The following ACTN1 variants were observed in gnomAD, a reference collection of about 807,000 sequenced individuals.
ACTN1 encodes the protein alpha-actinin-1.
In ACTN1, 30 loss-of-function variants were observed where a neutral mutation model predicts 119.6. That is an observed-to-expected ratio of 0.25 (90% confidence interval 0.19 to 0.34). The LOEUF is 0.34. Ranked by LOEUF, ACTN1 falls within the 10% of genes least tolerant of loss-of-function variation. The probability of loss-of-function intolerance (pLI) is 1.00; values close to 1 mark genes in which losing one functional copy is unlikely to be tolerated. For missense variants in ACTN1, 764 were observed against 1,223.4 expected (o/e 0.62, Z 5.60); for synonymous variants, 429 against 472.6 (o/e 0.91, Z 1.20).
At chr14:68,930,079 GAT>G (rs769129995) in intron 1 of ACTN1, among the ~76,000 whole-genome samples, 3 of 152,190 alleles carry the variant, frequency 2.0e-5, no homozygotes, top group Non-Finnish European at 2.9e-5. Context: ...ATTATCATGT[GAT>G]ATACTTCCTT....
chr14:68,979,136 GGA>G lies in ACTN1; in HGVS notation c.-82_-81del. The stretch of plus-strand genomic sequence containing the variant: ...ACGGCTGCTGCCCTGGCGTGGGGAG[GGA>G]GTAGGGCTGGGCTGGGCTGGGCTGG... On this transcript the variant is annotated 5_prime_UTR_variant, in exon 1 of 22. Transcript: ENST00000394419. 2 of 870,352 alleles carry G rather than the reference GGA, an allele frequency of 2.3e-6. No individual in the cohort carries two copies. Among genetic ancestry groups the G allele is most frequent in the Non-Finnish European group, 3.5e-6 (2 of 574,866 alleles). 53.9% of individuals were successfully genotyped at this position (870,352 alleles called of 1,614,324 possible).
intron 1 of ACTN1, among the ~76,000 whole-genome samples, chr14:68,937,212 G>A (rs2035570693): frequency 6.6e-6 from 1 of 150,894 alleles, no homozygotes; most frequent in Admixed American, 6.6e-5. Context: ...AAGTTTTTTA[G>A]ATCAATAAAG....
Position 68,885,490 on chromosome 14 carries a change from G to C in ACTN1, c.1320C>G (p.Phe440Leu). Residue 440 changes from phenylalanine (F) to leucine (L), a missense_variant, in exon 12 of 22, where the codon TTC becomes TTG. Phe to Leu is a conservative substitution (Grantham distance 22). This residue lies in a region of ACTN1 where 544 missense variants were observed against 912.0 expected (regional missense o/e 0.60). Transcript: ENST00000394419. This position sits in a 1 kb window ranked among gnomAD's most constrained non-coding sequence, Gnocchi z 5.6. ...CCTGGTGGGCAGCCAGGTCACTCTC[G>C]AAGGCCTCATGCTTCTTGAGCAGGG... ...IKALLKKHEA[F>L]ESDLAAHQDR... is the part of the protein sequence containing the mutation. 1 of 1,614,098 alleles carries C rather than the reference G, an allele frequency of 6.2e-7. No individual in the cohort carries two copies. Among genetic ancestry groups the C allele is most frequent in the Non-Finnish European group, 8.5e-7 (1 of 1,180,014 alleles).
At chr14:68,903,006 T>C (rs1325824929) in intron 7 of ACTN1, among the ~76,000 whole-genome samples, 1 of 152,248 alleles carries the variant, frequency 6.6e-6, no homozygotes, top group African/African-American at 2.4e-5. Context: ...CATGGAATTA[T>C]CAATTTGCTA....
chr14:68,892,715 G>GA (rs996201060), intron 9 of ACTN1, among the ~76,000 whole-genome samples: 42 of 152,296 alleles, frequency 2.8e-4, no homozygotes, highest in African/African-American at 9.6e-4. Flanking sequence ...TAAGAATCTA[G>GA]AATGTGGGTC....
At position 68,885,486 on chromosome 14, in the gene ACTN1, T is replaced by C; in HGVS notation, c.1324A>G (p.Ser442Gly). The C allele has an allele frequency of 6.2e-7, 1 of 1,614,106 alleles. No individual in the cohort carries two copies. The highest frequency in any genetic ancestry group is 1.3e-5 in the African/African-American group (1 of 75,038). Residue 442 changes from serine (S) to glycine (G), a missense_variant, in exon 12 of 22, where the codon AGT (serine) becomes GGT (glycine). Around this residue, in one of 4 missense-constraint regions of ACTN1, gnomAD observed 544 missense variants for 912.0 expected, o/e 0.60. Coordinates refer to ENST00000394419, the MANE Select transcript of ACTN1 (RefSeq NM_001130004.2). The surrounding 1 kb of genome is among the most constrained non-coding windows in gnomAD (Gnocchi z 5.6). ...ALLKKHEAFE[S>G]DLAAHQDRVE... ...CGGTCCTGGTGGGCAGCCAGGTCAC[T>C]CTCGAAGGCCTCATGCTTCTTGAGC...
chr14:68,957,627 G>A (rs539329152), intron 1 of ACTN1, among the ~76,000 whole-genome samples: 1 of 152,318 alleles, frequency 6.6e-6, no homozygotes, highest in East Asian at 1.9e-4. Context: ...AATTCAGTCT[G>A]ACATGTAACT....
intron 1 of ACTN1, among the ~76,000 whole-genome samples, chr14:68,960,277 G>T (rs2036485703): frequency 6.6e-6 from 1 of 152,162 alleles, no homozygotes; most frequent in Non-Finnish European, 1.5e-5. Context: ...GTTCAAACCT[G>T]TGATGTTCAA....
At chr14:68,955,368 T>C (rs2036320087) in intron 1 of ACTN1, among the ~76,000 whole-genome samples, 1 of 152,160 alleles carries the variant, frequency 6.6e-6, no homozygotes, top group African/African-American at 2.4e-5. Context: ...TCCAGTCTCA[T>C]GACAATGACT....
At chr14:68,966,179 T>C (rs900647836) in intron 1 of ACTN1, among the ~76,000 whole-genome samples, 4 of 152,202 alleles carry the variant, frequency 2.6e-5, no homozygotes, top group African/African-American at 9.7e-5. Context: ...ATCATGCCAC[T>C]GCACTCCAGC....
In ACTN1 at chr14:68,884,872, T is replaced by A; in HGVS notation, c.1397A>T (p.Tyr466Phe). 6.2e-7 allele frequency: 1 copy of A among 1,613,634 alleles called. No individual in the cohort carries two copies. Among genetic ancestry groups the A allele is most frequent in the Non-Finnish European group, 8.5e-7 (1 of 1,179,530 alleles). Residue 466 changes from tyrosine (Y) to phenylalanine (F), a missense_variant, in exon 13 of 22, where the codon TAT becomes TTT. This residue lies in a region of ACTN1 where 544 missense variants were observed against 912.0 expected (regional missense o/e 0.60). Transcript: ENST00000394419. Reference sequence around the variant, plus strand: ...GGCGTTGACACTGGGTGAGTCATAATAGTCCAGCTCACTGGGGAGGGAAGA... The same window carrying A: ...GGCGTTGACACTGGGTGAGTCATAAAAGTCCAGCTCACTGGGGAGGGAAGA... ...AIAQELNELD[Y>F]YDSPSVNARC...
At chr14:68,902,348 T>C in intron 8 of ACTN1, 129 bp downstream of exon 8, 2 of 768,736 alleles carry the variant, frequency 2.6e-6, no homozygotes, top group Non-Finnish European at 2.2e-6. Flanking sequence ...AACTAGGGAC[T>C]GCCTCTGTCC....
Position 68,896,859 on chromosome 14 carries a change from T to A in ACTN1, c.763-3112A>T, listed in dbSNP as rs11626631. The stretch of plus-strand genomic sequence containing the variant: ...GAGATAATGTAACAGATGTAACAGA[T>A]AATTGATGGCTTCAGAAAATATTCT... On this transcript the variant is annotated intron_variant, in intron 8 of 21. Coordinates refer to ENST00000394419, the MANE Select transcript of ACTN1 (RefSeq NM_001130004.2). Among the ~76,000 whole-genome samples the A allele has an allele frequency of 2.6e-5, 4 of 152,284 alleles. No homozygotes were observed. The East Asian group carries it at 7.7e-4, about 29-fold the overall frequency.
At chr14:68,975,776 G>T (rs1245461303) in intron 1 of ACTN1, among the ~76,000 whole-genome samples, 1 of 152,164 alleles carries the variant, frequency 6.6e-6, no homozygotes, top group East Asian at 1.9e-4. Flanking sequence ...GTGTCTGGAG[G>T]CATGGCGACC....
intron 1 of ACTN1, among the ~76,000 whole-genome samples, chr14:68,970,815 A>C (rs60690519): frequency 1.7e-3 from 256 of 152,352 alleles, no homozygotes; most frequent in African/African-American, 6.0e-3. Context: ...GCCTATGTCC[A>C]TCCCCTTAAA....
chr14:68,954,568 C>T (rs1352847854), intron 1 of ACTN1, among the ~76,000 whole-genome samples: 8 of 152,126 alleles, frequency 5.3e-5, no homozygotes, highest in Admixed American at 2.0e-4. Context: ...CCTCATGATC[C>T]GCCCACCTTG....
chr14:68,942,180 G>A (rs1490513443), intron 1 of ACTN1, among the ~76,000 whole-genome samples: 1 of 151,514 alleles, frequency 6.6e-6, no homozygotes, highest in African/African-American at 2.4e-5. Flanking sequence ...CTTCCTGCAG[G>A]AACCTACGCA....
intron 3 of ACTN1, among the ~76,000 whole-genome samples, chr14:68,918,428 A>G (rs7141657): frequency 6.6e-6 from 1 of 150,834 alleles, no homozygotes; most frequent in African/African-American, 2.4e-5. Flanking sequence ...AAAAATATTT[A>G]AAAAAAAATT....
chr14:68,920,680 G>A lies in ACTN1; in HGVS notation c.340+326C>T, dbSNP rs74521072. On this transcript the variant is annotated intron_variant, in intron 3 of 21. Coordinates refer to ENST00000394419, the MANE Select transcript of ACTN1 (RefSeq NM_001130004.2). ...TTTCCAGCCCATACACAAATCCTCTGCTCCAGGCAACACCGTGCAGTCAGG... is the reference window on the plus strand; with the variant it reads ...TTTCCAGCCCATACACAAATCCTCTACTCCAGGCAACACCGTGCAGTCAGG... 6.7e-3 allele frequency among the ~76,000 whole-genome samples: 1,015 copies of A among 152,224 alleles called. 13 individuals carry two copies. Among genetic ancestry groups the A allele is most frequent in the African/African-American group, 0.023 (975 of 41,524 alleles).
Sources: gnomAD v4.1 joint callset for allele counts (sites outside exome capture counted in the v4.1 genomes callset) on GRCh38, gnomAD v4.1.1 for gene constraint, gnomAD v4.1.1 regional missense constraint, Gnocchi (gnomAD v3.1) non-coding constraint, MANE v1.5 for transcripts, NCBI Gene and HGNC (gene_info 2026-07-23, HGNC 2026-07-21) for gene names.